Variants in DUSP22 observed in about 807,000 individuals in gnomAD.
DUSP22 encodes the protein dual specificity phosphatase 22.
In DUSP22, 24 loss-of-function variants were observed where a neutral mutation model predicts 24.5. The observed-to-expected ratio is 0.98, with a 90% CI of 0.71 to 1.38. DUSP22 has a LOEUF of 1.38. Ranked by LOEUF, DUSP22 falls within the 40% of genes most tolerant of loss-of-function variation. The probability of loss-of-function intolerance (pLI) is 0.00; values close to 1 mark genes in which losing one functional copy is unlikely to be tolerated. For missense variants in DUSP22, 330 were observed against 269.2 expected, an observed-to-expected ratio of 1.23 and a Z score of -1.58; for synonymous variants, 160 against 106.4, an observed-to-expected ratio of 1.50 and a Z score of -3.10.
At chr6:334,260 G>A (rs1199441760) in intron 3 of DUSP22, among the ~76,000 whole-genome samples, 4 of 152,300 alleles carry the variant, frequency 2.6e-5, no homozygotes, top group Admixed American at 6.5e-5. Flanking sequence ...ATTAAGAGAG[G>A]AATAATTTAA....
At chr6:318,024 C>G (rs758107378) in intron 3 of DUSP22, among the ~76,000 whole-genome samples, 136 of 152,372 alleles carry the variant, frequency 8.9e-4, no homozygotes, top group Non-Finnish European at 1.8e-3. Context: ...TGCAGCCTCG[C>G]TTATATGGGC....
intron 1 of DUSP22, among the ~76,000 whole-genome samples, chr6:299,981 G>A (rs559842456): frequency 6.6e-6 from 1 of 152,308 alleles, no homozygotes; most frequent in Non-Finnish European, 1.5e-5. Context: ...ATGTTGACTT[G>A]AGTACCTACC....
Position 348,281 on chromosome 6 carries a change from A to C in DUSP22, c.435+7A>C. Reference sequence around the variant, plus strand: ...GAAGCATGAGGTCCATCAGGTAAGCAGTTCTTAGGGGACATCAGAGATGCA... The same window carrying C: ...GAAGCATGAGGTCCATCAGGTAAGCCGTTCTTAGGGGACATCAGAGATGCA... On this transcript the variant is annotated splice_region_variant and intron_variant, in intron 6 of 6. Transcript: ENST00000419235. 3 of 1,614,242 alleles carry C rather than the reference A, an allele frequency of 1.9e-6. No individual in the cohort carries two copies. The highest frequency in any genetic ancestry group is 2.2e-5 in the South Asian group (2 of 91,086).
At chr6:299,592 G>T (rs1370292591) in intron 1 of DUSP22, among the ~76,000 whole-genome samples, 1 of 152,306 alleles carries the variant, frequency 6.6e-6, no homozygotes, top group Non-Finnish European at 1.5e-5. Context: ...TTCCAGTCTT[G>T]AAACTCTAGC....
chr6:311,151 G>T (rs1241089715), intron 2 of DUSP22, among the ~76,000 whole-genome samples: 3 of 152,300 alleles, frequency 2.0e-5, no homozygotes, highest in Non-Finnish European at 4.4e-5. Context: ...ATTGGTTAGT[G>T]CCTGGCTATA....
intron 3 of DUSP22, chr6:320,356 CT>C (rs1453033136): frequency 1.3e-5 from 2 of 152,808 alleles, no homozygotes; most frequent in African/African-American, 4.8e-5. Context: ...GAGCAGTCAC[CT>C]GGCACAGGTG....
intron 2 of DUSP22, among the ~76,000 whole-genome samples, chr6:308,928 G>A (rs533065811): frequency 9.5e-4 from 145 of 152,352 alleles, no homozygotes; most frequent in African/African-American, 3.2e-3. Flanking sequence ...AGGCTGCCCC[G>A]CCTCTACTGG....
chr6:327,283 G>A lies in DUSP22; in HGVS notation c.139-7831G>A, dbSNP rs916495401. ...CTTTGCCTGTCATGGTTTTCTGTGT[G>A]GGAGCGTGCACTCACCACGTCCAGC... is the stretch of plus-strand genomic sequence containing the variant. On this transcript the variant is annotated intron_variant, in intron 3 of 6. Coordinates refer to ENST00000419235, the MANE Select transcript of DUSP22 (RefSeq NM_001286555.3). Among the ~76,000 whole-genome samples, 8 of 152,302 alleles carry A rather than the reference G, an allele frequency of 5.3e-5. No homozygotes were observed. In the East Asian group the frequency reaches 1.5e-3, roughly 29 times the overall value.
intron 4 of DUSP22, among the ~76,000 whole-genome samples, chr6:342,701 G>A (rs1186749344): frequency 6.6e-6 from 1 of 152,256 alleles, no homozygotes; most frequent in Non-Finnish European, 1.5e-5. Flanking sequence ...GTGCAGCTCT[G>A]AGCATGGCAC....
chr6:334,033 T>A (rs1759258528), intron 3 of DUSP22, among the ~76,000 whole-genome samples: 2 of 152,294 alleles, frequency 1.3e-5, no homozygotes, highest in Admixed American at 6.5e-5. Context: ...ACAATAGGAG[T>A]TAATGGTAAA....
chr6:345,616 A>G (rs1759826073), intron 4 of DUSP22, among the ~76,000 whole-genome samples: 1 of 152,310 alleles, frequency 6.6e-6, no homozygotes, highest in African/African-American at 2.4e-5. Context: ...TATCACTACA[A>G]AGTGATAAAT....
Position 348,798 on chromosome 6 carries a change from A to G in DUSP22, c.465A>G (p.Gly155=), listed in dbSNP as rs760364310. The change falls in exon 7 of 7, where the codon GGA becomes GGG. Residue 155 remains glycine, a synonymous_variant. Coordinates refer to ENST00000419235, the MANE Select transcript of DUSP22 (RefSeq NM_001286555.3). ...GGCAGTGGCTGAAGGAAGAATATGGAGAGAGCCCTTTGCAGGATGCAGAAG... is the reference window on the plus strand; with the variant it reads ...GGCAGTGGCTGAAGGAAGAATATGGGGAGAGCCCTTTGCAGGATGCAGAAG... ...QYRQWLKEEY[G]ESPLQDAEEA... 15 of 1,614,192 alleles carry G rather than the reference A, an allele frequency of 9.3e-6. No homozygotes were observed. Among genetic ancestry groups the G allele is most frequent in the Admixed American group, 5.0e-5 (3 of 60,018 alleles).
At chr6:325,249 C>T in intron 3 of DUSP22, 1 of 247,518 alleles carries the variant, frequency 4.0e-6, no homozygotes, top group Non-Finnish European at 7.7e-6. Flanking sequence ...TCTGCTGGTG[C>T]CTGGAGAGTC....
At chr6:329,441 A>G (rs1759039526) in intron 3 of DUSP22, among the ~76,000 whole-genome samples, 1 of 152,304 alleles carries the variant, frequency 6.6e-6, no homozygotes, top group Non-Finnish European at 1.5e-5. Context: ...TACGCCTTAA[A>G]TGGTTACGAT....
chr6:307,610 G>A (rs1017471728), intron 2 of DUSP22, among the ~76,000 whole-genome samples: 15 of 152,306 alleles, frequency 9.8e-5, no homozygotes, highest in Admixed American at 7.2e-4. Context: ...GGAAGCCAGA[G>A]AGAGCAGCCC....
chr6:305,484 A>G (rs1244075584), intron 2 of DUSP22, among the ~76,000 whole-genome samples: 1 of 152,302 alleles, frequency 6.6e-6, no homozygotes. Flanking sequence ...TCACCTGGGA[A>G]ACAAGAGTGA....
intron 2 of DUSP22, among the ~76,000 whole-genome samples, chr6:310,264 A>C (rs1396040145): frequency 2.0e-5 from 3 of 152,300 alleles, no homozygotes; most frequent in African/African-American, 7.2e-5. Context: ...CCCGGCCTAA[A>C]CATTTGCCTT....
chr6:298,725 C>T (rs963190632), intron 1 of DUSP22, among the ~76,000 whole-genome samples: 1 of 152,306 alleles, frequency 6.6e-6, no homozygotes. Context: ...AAACAGGAAT[C>T]TTTGACCTGC....
chr6:330,933 A>G (rs1454925088), intron 3 of DUSP22, among the ~76,000 whole-genome samples: 2 of 152,300 alleles, frequency 1.3e-5, no homozygotes, highest in African/African-American at 2.4e-5. Flanking sequence ...TTAGTAATAT[A>G]CGGTGTACAC....
Sources: allele counts gnomAD v4.1 joint callset (sites outside exome capture counted in the v4.1 genomes callset), GRCh38; gene constraint gnomAD v4.1.1; transcripts MANE v1.5; gene names NCBI Gene and HGNC (gene_info 2026-07-23, HGNC 2026-07-21).